QSOX1: variants seen among roughly 807,000 people sequenced by gnomAD.
The protein encoded by QSOX1 is sulfhydryl oxidase 1.
In QSOX1, 40 loss-of-function variants were observed where a neutral mutation model predicts 76.1. That is an observed-to-expected ratio of 0.53 (90% CI 0.41 to 0.68). The LOEUF is 0.68. QSOX1 is among the 30% of genes least tolerant of loss of function. QSOX1 has a pLI of 0.00. For missense variants in QSOX1, 931 were observed against 974.3 expected, an observed-to-expected ratio of 0.96 and a Z score of 0.59; for synonymous variants, 392 against 413.1, an observed-to-expected ratio of 0.95 and a Z score of 0.62.
At chr1:180,156,030 A>G (rs1662369713) in intron 1 of QSOX1, among the ~76,000 whole-genome samples, 1 of 152,256 alleles carries the variant, frequency 6.6e-6, no homozygotes, top group African/African-American at 2.4e-5. Context: ...CACTACATGT[A>G]TAAAGATTTG....
intron 9 of QSOX1, among the ~76,000 whole-genome samples, chr1:180,190,092 G>A (rs1261159041): frequency 6.6e-6 from 1 of 152,216 alleles, no homozygotes; most frequent in Non-Finnish European, 1.5e-5. Context: ...CTGGGCTCCT[G>A]CTCATGCTGC....
intron 2 of QSOX1, among the ~76,000 whole-genome samples, chr1:180,171,928 C>G (rs1662767907): frequency 6.6e-6 from 1 of 152,202 alleles, no homozygotes; most frequent in Admixed American, 6.5e-5. Context: ...GTAATAACAT[C>G]TGTACCAGAG....
intron 8 of QSOX1, among the ~76,000 whole-genome samples, chr1:180,187,131 T>G (rs1229450140): frequency 1.3e-5 from 2 of 152,154 alleles, no homozygotes; most frequent in African/African-American, 2.4e-5. Flanking sequence ...CTTGGGAACT[T>G]CCTGCCAGCC....
Position 180,184,008 on chromosome 1 carries a change from C to G in QSOX1, c.845C>G (p.Thr282Ser). ...EAAQTTVAPT[T>S]ANKIAPTVWK... is the part of the protein sequence containing the mutation. ...GCCCAGACCACAGTTGCACCAACCA[C>G]TGCTAACAAGATAGCTCCCACTGTT... Residue 282 changes from threonine to serine, a missense_variant, in exon 7 of 12, where the codon ACT becomes AGT. Transcript: ENST00000367602. The G allele has an allele frequency of 6.2e-7, 1 of 1,614,228 alleles. No homozygotes were observed.
Position 180,202,605 on chromosome 1 carries a change from G to GA in QSOX1, c.*5572dup, listed in dbSNP as rs1282470627. 7.1e-6 allele frequency: 1 copy of GA among 141,196 alleles called. No individual in the cohort carries two copies. The highest frequency in any genetic ancestry group is 2.6e-5 in the African/African-American group (1 of 39,070). 8.7% of individuals were successfully genotyped at this position (141,196 alleles called of 1,614,324 possible). On this transcript the variant is annotated 3_prime_UTR_variant, in exon 12 of 12. Transcript: ENST00000367602. ...TGTTGAGAATAGTGATTATTTGGGGGAAAATTCAGGTAAGATCTCACCTTC... is the reference window on the plus strand; with the variant it reads ...TGTTGAGAATAGTGATTATTTGGGGGAAAAATTCAGGTAAGATCTCACCTTC...
chr1:180,191,920 G>A (rs914419629), intron 10 of QSOX1, among the ~76,000 whole-genome samples: 1 of 151,890 alleles, frequency 6.6e-6, no homozygotes, highest in Non-Finnish European at 1.5e-5. Context: ...TGGTTTCTTC[G>A]AGCCTCTCCT....
chr1:180,183,289 G>A (rs1392514347), intron 6 of QSOX1, among the ~76,000 whole-genome samples: 1 of 152,188 alleles, frequency 6.6e-6, no homozygotes, highest in Non-Finnish European at 1.5e-5. Flanking sequence ...CTCTGCAGGT[G>A]CCCTGGCTGT....
Position 180,194,260 on chromosome 1 carries a change from T to C in QSOX1, c.1336T>C (p.Phe446Leu). 6.2e-7 allele frequency: 1 copy of C among 1,613,336 alleles called. No individual in the cohort carries two copies. Among genetic ancestry groups the C allele is most frequent in the Non-Finnish European group, 8.5e-7 (1 of 1,179,532 alleles). Residue 446 changes from phenylalanine (F) to leucine (L), a missense_variant, in exon 11 of 12, where the codon TTC (phenylalanine) becomes CTC (leucine). Coordinates refer to ENST00000367602, the MANE Select transcript of QSOX1 (RefSeq NM_002826.5). ...AGCCATCCGAGGCTACGTGCACTAC[T>C]TCTTCGGCTGCCGAGACTGCGCTAG... ...LPAIRGYVHY[F>L]FGCRDCASHF...
At chr1:180,190,816 G>A (rs1056542079) in intron 10 of QSOX1, among the ~76,000 whole-genome samples, 3 of 152,300 alleles carry the variant, frequency 2.0e-5, no homozygotes, top group Admixed American at 1.3e-4. Flanking sequence ...AACCAGTCCT[G>A]TTTTCGGCCC....
chr1:180,189,481 T>C, intron 8 of QSOX1, 71 bp from the exon 9 acceptor site: 1 of 787,236 alleles, frequency 1.3e-6, no homozygotes, highest in South Asian at 1.9e-5. Flanking sequence ...CATAGCTTCC[T>C]ACCATCTGCA....
intron 2 of QSOX1, among the ~76,000 whole-genome samples, chr1:180,172,161 C>G (rs938722201): frequency 1.3e-5 from 2 of 151,874 alleles, no homozygotes; most frequent in Non-Finnish European, 2.9e-5. Flanking sequence ...CATCCTCCTT[C>G]CCTTCCCATC....
intron 1 of QSOX1, among the ~76,000 whole-genome samples, chr1:180,155,767 G>A (rs1161876408): frequency 6.6e-6 from 1 of 152,080 alleles, no homozygotes; most frequent in African/African-American, 2.4e-5. Context: ...TCTCTGTTCC[G>A]GGCCTCTCCT....
In QSOX1 at chr1:180,175,449, A is replaced by G. The variant is rs1572044719; in HGVS notation, c.412+83A>G. The G allele has an allele frequency of 8.9e-6, 13 of 1,468,054 alleles. No individual in the cohort carries two copies. The East Asian group carries it at 2.9e-4, about 33-fold the overall frequency. 90.9% of individuals were successfully genotyped at this position (1,468,054 alleles called of 1,614,324 possible). ...ACCTGGGTTTCTATTGGGGTGGAGAAAGCCCTGGCAGTCGGCAGGGTCGAG... is the reference window on the plus strand; with the variant it reads ...ACCTGGGTTTCTATTGGGGTGGAGAGAGCCCTGGCAGTCGGCAGGGTCGAG... On this transcript the variant is annotated intron_variant, in intron 3 of 11. Transcript: ENST00000367602.
In QSOX1 at chr1:180,196,453, G is replaced by T. The variant is rs372325318; in HGVS notation, c.1660G>T (p.Asp554Tyr). 6.3e-5 allele frequency: 102 copies of T among 1,613,954 alleles called. No homozygotes were observed. Among genetic ancestry groups the T allele is most frequent in the Middle Eastern group, 1.6e-4 (1 of 6,084 alleles). The stretch of plus-strand genomic sequence containing the variant: ...TGCAGCTGGGTCAGCTGCCCGGAGG[G>T]ATGTGCAGAATGTGGCAGCCGCCCC... Reference protein sequence around the residue: ...FPAAGSAARRDVQNVAAAPEL... With the variant: ...FPAAGSAARRYVQNVAAAPEL... Residue 554 changes from aspartate (D) to tyrosine (Y), a missense_variant, in exon 12 of 12, where the codon GAT becomes TAT. Coordinates refer to ENST00000367602, the MANE Select transcript of QSOX1 (RefSeq NM_002826.5). This position sits in a 1 kb window ranked among gnomAD's most constrained non-coding sequence, Gnocchi z 4.1.
intron 7 of QSOX1, 91 bp downstream of exon 7, chr1:180,184,141 C>A: frequency 1.4e-6 from 2 of 1,476,274 alleles, no homozygotes; most frequent in East Asian, 2.3e-5. Context: ...GCTCATTCTT[C>A]TTCCTTGTCA....
intron 8 of QSOX1, among the ~76,000 whole-genome samples, chr1:180,187,483 C>T (rs1663203357): frequency 6.6e-6 from 1 of 152,246 alleles, no homozygotes; most frequent in Admixed American, 6.5e-5. Context: ...GCCTCAGACA[C>T]CCCACCACCC....
At chr1:180,192,702 G>T (rs1462741840) in intron 10 of QSOX1, among the ~76,000 whole-genome samples, 1 of 152,146 alleles carries the variant, frequency 6.6e-6, no homozygotes, top group Non-Finnish European at 1.5e-5. Flanking sequence ...TGGAATCAAT[G>T]GCCCGCTTTG....
chr1:180,156,350 G>A (rs1257875331), intron 1 of QSOX1, among the ~76,000 whole-genome samples: 1 of 152,198 alleles, frequency 6.6e-6, no homozygotes, highest in Non-Finnish European at 1.5e-5. Context: ...CGCTAGCACG[G>A]CCTCCTACCC....
intron 2 of QSOX1, among the ~76,000 whole-genome samples, chr1:180,171,878 A>T (rs1397086091): frequency 6.6e-6 from 1 of 152,228 alleles, no homozygotes; most frequent in Non-Finnish European, 1.5e-5. Context: ...ATGTGGCACG[A>T]AAGTTGACAA....
Sources: allele counts gnomAD v4.1 joint callset (sites outside exome capture counted in the v4.1 genomes callset), GRCh38; gene constraint gnomAD v4.1.1; non-coding constraint Gnocchi (gnomAD v3.1); transcripts MANE v1.5; gene names NCBI Gene and HGNC (gene_info 2026-07-23, HGNC 2026-07-21).